Variants in ADK observed in about 807,000 individuals in gnomAD.
The protein encoded by ADK is adenosine kinase.
ADK carries 24 observed loss-of-function variants against 44.7 expected under a neutral mutation model. That is an observed-to-expected ratio of 0.54 (90% CI 0.39 to 0.76). ADK has a LOEUF of 0.76. ADK is among the 30% of genes least tolerant of loss of function. ADK has a pLI of 0.00. For synonymous variants in ADK, 128 were observed against 142.6 expected (o/e 0.90, Z 0.73); for missense variants, 321 against 425.1 (o/e 0.76, Z 2.15).
chr10:74,650,965 A>G (rs1854244599), intron 9 of ADK, among the ~76,000 whole-genome samples: 1 of 152,216 alleles, frequency 6.6e-6, no homozygotes, highest in Non-Finnish European at 1.5e-5. Context: ...ATGGAAAACT[A>G]TTAGTTGTTC....
At chr10:74,356,002 A>ATATTGGTTTTTTTTTTTTTTTTTT (rs57958159) in intron 4 of ADK, among the ~76,000 whole-genome samples, 1 of 83,308 alleles carries the variant, frequency 1.2e-5, no homozygotes, top group Non-Finnish European at 2.2e-5. Flanking sequence ...TAAATAATTC[A>ATATTGGTTTTTTTTTTTTTTTTTT]TTTTTTTTTT....
intron 7 of ADK, among the ~76,000 whole-genome samples, chr10:74,539,218 G>A (rs1849549971): frequency 6.6e-6 from 1 of 152,020 alleles, no homozygotes; most frequent in African/African-American, 2.4e-5. Flanking sequence ...TTAGAGACAG[G>A]GTCTCACTGT....
intron 6 of ADK, among the ~76,000 whole-genome samples, chr10:74,417,622 C>T (rs1017128464): frequency 1.1e-4 from 17 of 152,010 alleles, no homozygotes; most frequent in Non-Finnish European, 2.5e-4. Flanking sequence ...TCTTTTAAAG[C>T]CTTATTTCTG....
At chr10:74,187,626 G>A (rs765017502) in intron 1 of ADK, among the ~76,000 whole-genome samples, 3 of 152,042 alleles carry the variant, frequency 2.0e-5, no homozygotes, top group Non-Finnish European at 4.4e-5. Context: ...AGTTGAATTT[G>A]TTGATTTATT....
At chr10:74,288,332 G>A (rs1313295030) in intron 3 of ADK, among the ~76,000 whole-genome samples, 1 of 152,166 alleles carries the variant, frequency 6.6e-6, no homozygotes, top group Non-Finnish European at 1.5e-5. Flanking sequence ...TAGAGATCAT[G>A]TAAATCTGTG....
chr10:74,527,189 G>A (rs1316233561), intron 7 of ADK, among the ~76,000 whole-genome samples: 7 of 152,056 alleles, frequency 4.6e-5, no homozygotes, highest in South Asian at 2.1e-4. Context: ...GTGAAAGCCC[G>A]TCTCTACTTA....
At chr10:74,497,906 TTGAGACGGAG>T (rs1847748851) in intron 6 of ADK, among the ~76,000 whole-genome samples, 2 of 152,146 alleles carry the variant, frequency 1.3e-5, no homozygotes, top group Admixed American at 6.5e-5. Context: ...TTTCTTTTTT[TTGAGACGGAG>T]TCTCACTCTG....
At chr10:74,432,542 C>T (rs1292964236) in intron 6 of ADK, among the ~76,000 whole-genome samples, 1 of 151,958 alleles carries the variant, frequency 6.6e-6, no homozygotes, top group Non-Finnish European at 1.5e-5. Flanking sequence ...CTGAAGTGAA[C>T]CCTTCTTTAA....
intron 6 of ADK, among the ~76,000 whole-genome samples, chr10:74,458,438 C>T (rs896418466): frequency 5.3e-5 from 8 of 151,636 alleles, no homozygotes; most frequent in African/African-American, 1.9e-4. Flanking sequence ...TGTGCCTGAC[C>T]CAGTGAAACA....
At chr10:74,502,198 C>G (rs1185671134) in intron 6 of ADK, among the ~76,000 whole-genome samples, 1 of 152,036 alleles carries the variant, frequency 6.6e-6, no homozygotes, top group East Asian at 1.9e-4. Context: ...CCAGTGATTT[C>G]TTTTTAAACT....
At chr10:74,193,527 G>A (rs1490755107) in intron 1 of ADK, among the ~76,000 whole-genome samples, 1 of 152,116 alleles carries the variant, frequency 6.6e-6, no homozygotes, top group Non-Finnish European at 1.5e-5. Flanking sequence ...GCTCATGCCT[G>A]TAATCCTAGA....
At chr10:74,493,427 C>T (rs1214567836) in intron 6 of ADK, among the ~76,000 whole-genome samples, 2 of 146,276 alleles carry the variant, frequency 1.4e-5, no homozygotes, top group Non-Finnish European at 3.0e-5. Flanking sequence ...ATATATAGAC[C>T]TCATCTATAT....
At chr10:74,241,466 AC>A (rs1481104241) in intron 3 of ADK, among the ~76,000 whole-genome samples, 4 of 150,318 alleles carry the variant, frequency 2.7e-5, no homozygotes, top group Non-Finnish European at 5.9e-5. Context: ...GCTCACTGCA[AC>A]CTCTATCTCC....
chr10:74,666,330 T>C (rs1165269164), intron 9 of ADK, among the ~76,000 whole-genome samples: 2 of 152,204 alleles, frequency 1.3e-5, no homozygotes, highest in African/African-American at 4.8e-5. Context: ...GAAGGCACTC[T>C]GCAAGTCTTA....
intron 4 of ADK, among the ~76,000 whole-genome samples, chr10:74,372,624 A>G (rs1009471663): frequency 6.6e-6 from 1 of 152,200 alleles, no homozygotes; most frequent in African/African-American, 2.4e-5. Flanking sequence ...AAAAAGAAAT[A>G]ATGTACTTAA....
rs76384889 is a variant in ADK at position 74,441,252 on chromosome 10, A to G, written c.555+42673A>G. 8.8e-3 allele frequency among the ~76,000 whole-genome samples: 1,333 copies of G among 152,336 alleles called. 23 individuals carry two copies. The highest frequency in any genetic ancestry group is 0.03 in the African/African-American group (1,246 of 41,580). On this transcript the variant is annotated intron_variant, in intron 6 of 10. Transcript: ENST00000539909. The stretch of plus-strand genomic sequence containing the variant: ...TATCTTAACACCCACTAGGATGTCT[A>G]TAATCAAGAAGACATAATACCAAGT...
chr10:74,549,608 C>A (rs1227327190), intron 7 of ADK, among the ~76,000 whole-genome samples: 1 of 151,940 alleles, frequency 6.6e-6, no homozygotes, highest in Non-Finnish European at 1.5e-5. Flanking sequence ...TCTTATTTTT[C>A]ATATCTTGTG....
At chr10:74,443,283 A>G (rs1295137575) in intron 6 of ADK, among the ~76,000 whole-genome samples, 1 of 152,170 alleles carries the variant, frequency 6.6e-6, no homozygotes, top group Non-Finnish European at 1.5e-5. Flanking sequence ...ACTGTGAATA[A>G]ATGTAATTTT....
chr10:74,385,346 A>G (rs1190610901), intron 4 of ADK, among the ~76,000 whole-genome samples: 1 of 152,150 alleles, frequency 6.6e-6, no homozygotes, highest in Non-Finnish European at 1.5e-5. Context: ...TCATTTGAAA[A>G]CAAGTATAAG....
Sources: allele counts gnomAD v4.1 joint callset (sites outside exome capture counted in the v4.1 genomes callset), GRCh38; gene constraint gnomAD v4.1.1; transcripts MANE v1.5; gene names NCBI Gene and HGNC (gene_info 2026-07-23, HGNC 2026-07-21).